The following PRPS2 variants were observed in gnomAD, a reference collection of about 807,000 sequenced individuals.
The protein encoded by PRPS2 is phosphoribosyl pyrophosphate synthetase 2, also known as ribose-phosphate pyrophosphokinase 2.
For missense variants in PRPS2, 104 were observed against 271.5 expected, an observed-to-expected ratio of 0.38 and a Z score of 4.34; for synonymous variants, 111 against 115.3, an observed-to-expected ratio of 0.96 and a Z score of 0.24.
rs765184551 is a variant in PRPS2, at chrX:12,819,684, C to T, written c.704+4C>T. 7 of 1,204,937 alleles carry T rather than the reference C, an allele frequency of 5.8e-6. No individual in the cohort carries two copies. The highest frequency in any genetic ancestry group is 2.2e-5 in the Admixed American group (1 of 45,455). On this transcript the variant is annotated splice_donor_region_variant and intron_variant, in intron 5 of 6. Transcript: ENST00000380668. The stretch of plus-strand genomic sequence containing the variant: ...CCATCTGCCATGCTGCGGACAAGTA[C>T]GCAGGGCGGTGGGGAAAGCGTTAGG...
intron 4 of PRPS2, among the ~76,000 whole-genome samples, chrX:12,811,400 G>C (rs920676951): frequency 2.7e-5 from 3 of 111,464 alleles, no homozygotes; most frequent in African/African-American, 9.8e-5. Context: ...AAGCAATCAG[G>C]GTACAGGGTG....
chrX:12,796,802 A>G (rs1156798846), intron 1 of PRPS2, among the ~76,000 whole-genome samples: 3 of 106,856 alleles, frequency 2.8e-5, no homozygotes, highest in Admixed American at 2.0e-4. Flanking sequence ...GGAATGTTAT[A>G]TAGATTGAGC....
At chrX:12,816,963 G>A in intron 4 of PRPS2, among the ~76,000 whole-genome samples, 1 of 111,315 alleles carries the variant, frequency 9.0e-6, no homozygotes, top group Admixed American at 9.5e-5. Flanking sequence ...TTCCATTGGG[G>A]AAGTTGAGGA....
chrX:12,796,572 G>A (rs1188686662), intron 1 of PRPS2, among the ~76,000 whole-genome samples: 1 of 111,626 alleles, frequency 9.0e-6, no homozygotes, highest in Non-Finnish European at 1.9e-5. Context: ...CAGGAGAAGA[G>A]AGAAGGATAA....
At chrX:12,794,052 A>T (rs2042532011) in intron 1 of PRPS2, among the ~76,000 whole-genome samples, 1 of 112,665 alleles carries the variant, frequency 8.9e-6, no homozygotes, top group African/African-American at 3.2e-5. Context: ...ATGCAAAGTT[A>T]TACAAGGTTA....
At chrX:12,791,866 C>T (rs1415622437) in intron 1 of PRPS2, among the ~76,000 whole-genome samples, 11 of 112,424 alleles carry the variant, frequency 9.8e-5, no homozygotes, top group Non-Finnish European at 9.5e-5. Context: ...GTCCTGGGAC[C>T]GCGGCGACCC....
intron 4 of PRPS2, among the ~76,000 whole-genome samples, chrX:12,812,995 A>G (rs2042631362): frequency 8.9e-6 from 1 of 112,049 alleles, no homozygotes; most frequent in Non-Finnish European, 1.9e-5. Flanking sequence ...ACAAATTTGT[A>G]TGACCATCTT....
intron 1 of PRPS2, among the ~76,000 whole-genome samples, chrX:12,792,515 C>A: frequency 8.9e-6 from 1 of 111,829 alleles, no homozygotes; most frequent in East Asian, 2.8e-4. Flanking sequence ...TGGGGGGCTC[C>A]TTTGTCTATC....
intron 4 of PRPS2, among the ~76,000 whole-genome samples, chrX:12,818,946 G>A (rs750944028): frequency 9.0e-6 from 1 of 110,684 alleles, no homozygotes; most frequent in South Asian, 3.8e-4. Context: ...CCTTCTACCT[G>A]CGACTCCTGA....
chrX:12,792,222 A>G (rs1396219055), intron 1 of PRPS2, among the ~76,000 whole-genome samples: 1 of 112,084 alleles, frequency 8.9e-6, no homozygotes, highest in African/African-American at 3.3e-5. Flanking sequence ...CGATTTTACA[A>G]GCTTCCCTGG....
chrX:12,800,680 A>G (rs1297695323), intron 2 of PRPS2, among the ~76,000 whole-genome samples: 1 of 111,963 alleles, frequency 8.9e-6, no homozygotes, highest in Non-Finnish European at 1.9e-5. Context: ...TTTTATCTCC[A>G]TAATTCATTT....
chrX:12,794,202 A>T (rs960606853), intron 1 of PRPS2, among the ~76,000 whole-genome samples: 1 of 112,568 alleles, frequency 8.9e-6, no homozygotes, highest in Non-Finnish European at 1.9e-5. Context: ...GGCTGGTCAC[A>T]GCTGAGGCGG....
In PRPS2 at chrX:12,799,264, C is replaced by T. The variant is rs746063808; in HGVS notation, c.180C>T (p.Cys60=). The stretch of plus-strand genomic sequence containing the variant: ...ATGTCTACATCATCCAGAGCGGCTG[C>T]GGGGAAATTAACGACAACCTGATGG... ...GEDVYIIQSG[C]GEINDNLMEL... The change falls in exon 2 of 7, where the codon TGC becomes TGT. Residue 60 remains cysteine (C), a synonymous_variant. Transcript: ENST00000380668. The T allele has an allele frequency of 9.9e-6, 12 of 1,211,317 alleles. No homozygotes were observed. In the South Asian group the frequency reaches 1.1e-4, roughly 11 times the overall value.
At chrX:12,803,775 C>T (rs2239489) in intron 2 of PRPS2, among the ~76,000 whole-genome samples, 11,396 of 112,036 alleles carry the variant, frequency 0.1, 469 homozygotes, top group Non-Finnish European at 0.13. Flanking sequence ...CAGCTCACTT[C>T]AGGAGGCCTT....
intron 2 of PRPS2, among the ~76,000 whole-genome samples, chrX:12,806,187 T>C (rs2042592897): frequency 8.9e-6 from 1 of 112,200 alleles, no homozygotes; most frequent in Non-Finnish European, 1.9e-5. Context: ...TTTTTCAAAA[T>C]CATTTTCAAG....
chrX:12,795,928 T>G (rs981900786), intron 1 of PRPS2, among the ~76,000 whole-genome samples: 3 of 112,696 alleles, frequency 2.7e-5, no homozygotes, highest in African/African-American at 9.7e-5. Context: ...ATCCCCCTCA[T>G]CCTGTGAGGT....
intron 1 of PRPS2, among the ~76,000 whole-genome samples, chrX:12,793,750 C>CT (rs1380447091): frequency 8.9e-6 from 1 of 112,525 alleles, no homozygotes; most frequent in Non-Finnish European, 1.9e-5. Context: ...CTTCTTGAAT[C>CT]TGTCACTGAA....
At chrX:12,792,634 A>G (rs1048920818) in intron 1 of PRPS2, among the ~76,000 whole-genome samples, 2 of 112,011 alleles carry the variant, frequency 1.8e-5, no homozygotes, top group Non-Finnish European at 3.8e-5. Context: ...GATAATTTTT[A>G]TATCTTTGGC....
At chrX:12,798,608 T>A (rs2042555034) in intron 1 of PRPS2, among the ~76,000 whole-genome samples, 1 of 112,098 alleles carries the variant, frequency 8.9e-6, no homozygotes, top group Admixed American at 9.4e-5. Flanking sequence ...AATAAAAAAC[T>A]AAAACTAAAT....
Sources: allele counts gnomAD v4.1 joint callset (sites outside exome capture counted in the v4.1 genomes callset), GRCh38; gene constraint gnomAD v4.1.1; transcripts MANE v1.5; gene names NCBI Gene and HGNC (gene_info 2026-07-23, HGNC 2026-07-21).